Variants in PDCD6IP observed in about 807,000 individuals in gnomAD.
PDCD6IP encodes programmed cell death 6-interacting protein.
PDCD6IP carries 43 observed loss-of-function variants against 103.7 expected under a neutral mutation model. The ratio of observed to expected loss-of-function variants is 0.41; its 90% confidence interval spans 0.32 to 0.53. The LOEUF is 0.53. PDCD6IP is among the 20% of genes least tolerant of loss of function. The pLI is 0.16. For synonymous variants in PDCD6IP, 354 were observed against 378.7 expected, an observed-to-expected ratio of 0.93 and a Z score of 0.76; for missense variants, 871 against 1,036.7, an observed-to-expected ratio of 0.84 and a Z score of 2.20.
chr3:33,819,953 C>G (rs1459146645), intron 3 of PDCD6IP, among the ~76,000 whole-genome samples: 1 of 151,998 alleles, frequency 6.6e-6, no homozygotes, highest in East Asian at 1.9e-4. Flanking sequence ...CTCGAGAACT[C>G]TTTTTCATCT....
chr3:33,814,005 T>C (rs113831446), intron 3 of PDCD6IP, among the ~76,000 whole-genome samples: 6,108 of 152,252 alleles, frequency 0.04, 187 homozygotes, highest in Middle Eastern at 0.071. Context: ...TTGTAGAAAA[T>C]AATATTACAG....
At position 33,845,584 on chromosome 3, in the gene PDCD6IP, G is replaced by A. The variant is rs770881406; in HGVS notation, c.1637G>A (p.Ser546Asn). 1 of 1,600,042 alleles carries A rather than the reference G, an allele frequency of 6.2e-7. No homozygotes were observed. Reference sequence around the variant, plus strand: ...AATCCAGCAAAGACCATGCAGGGCAGTGAGGTAAGAAGGACACTTTGATGT... The same window carrying A: ...AATCCAGCAAAGACCATGCAGGGCAATGAGGTAAGAAGGACACTTTGATGT... ...SANPAKTMQG[S>N]EVVNVLKSLL... The change falls in exon 12 of 18, where the codon AGT becomes AAT. Residue 546 changes from serine to asparagine, a missense_variant. Ser to Asn is a conservative substitution (Grantham distance 46). This residue lies in a region of PDCD6IP where 266 missense variants were observed against 390.5 expected (regional missense o/e 0.68). Transcript: ENST00000307296.
At chr3:33,817,752 CAAAAGAAAAAAAAAAGAT>C (rs1474155366) in intron 3 of PDCD6IP, among the ~76,000 whole-genome samples, 1 of 141,572 alleles carries the variant, frequency 7.1e-6, no homozygotes, top group East Asian at 2.0e-4. Context: ...CACCTTGTCT[CAAAAGAAAAAAAAAAGAT>C]AAAAGAAAAA....
chr3:33,858,739 G>A (rs1342076196), intron 15 of PDCD6IP, among the ~76,000 whole-genome samples: 1 of 152,094 alleles, frequency 6.6e-6, no homozygotes, highest in Non-Finnish European at 1.5e-5. Flanking sequence ...GAACCCGGGA[G>A]GCGGAGCTTG....
Position 33,849,567 on chromosome 3 carries a change from T to C in PDCD6IP, c.1642-2921T>C, listed in dbSNP as rs144465945. ...AATGATCATCACTGGCAGCCTAACT[T>C]AATAAAGGGATACATTTAATTGCAG... On this transcript the variant is annotated intron_variant, in intron 12 of 17. Transcript: ENST00000307296. 7.7e-3 allele frequency among the ~76,000 whole-genome samples: 1,180 copies of C among 152,364 alleles called. 5 individuals are homozygous for C. Among genetic ancestry groups the C allele is most frequent in the South Asian group, 0.017 (81 of 4,826 alleles).
chr3:33,852,397 C>T (rs1159166082), intron 12 of PDCD6IP, 91 bp from the exon 13 acceptor site: 1 of 1,438,660 alleles, frequency 7.0e-7, no homozygotes, highest in East Asian at 2.5e-5. Context: ...CTCTCTCAGC[C>T]CGAATGAACC....
intron 7 of PDCD6IP, among the ~76,000 whole-genome samples, chr3:33,830,667 G>A (rs2125559548): frequency 6.6e-6 from 1 of 152,256 alleles, no homozygotes; most frequent in South Asian, 2.1e-4. Context: ...TTTGAAGCTA[G>A]TAGTTTGAGG....
chr3:33,851,776 A>C (rs1338429457), intron 12 of PDCD6IP, among the ~76,000 whole-genome samples: 1 of 152,104 alleles, frequency 6.6e-6, no homozygotes, highest in African/African-American at 2.4e-5. Context: ...TCTTAATGGT[A>C]TGAAGAGAGG....
chr3:33,827,035 G>A (rs1209124465), intron 6 of PDCD6IP: 1 of 985,110 alleles, frequency 1.0e-6, no homozygotes, highest in East Asian at 1.1e-4. Context: ...AAATTCATCT[G>A]ATACTTTGAT....
At chr3:33,834,907 T>A (rs1202044035) in intron 7 of PDCD6IP, among the ~76,000 whole-genome samples, 2 of 151,956 alleles carry the variant, frequency 1.3e-5, no homozygotes, top group African/African-American at 2.4e-5. Context: ...AATCTTACAC[T>A]TTTTTTTAAT....
At chr3:33,862,846 G>A (rs1161084002) in intron 15 of PDCD6IP, among the ~76,000 whole-genome samples, 2 of 151,976 alleles carry the variant, frequency 1.3e-5, no homozygotes, top group African/African-American at 4.8e-5. Context: ...TTAAATCCAG[G>A]GACTACCTTT....
chr3:33,810,960 C>G (rs1696703960), intron 1 of PDCD6IP: 1 of 222,860 alleles, frequency 4.5e-6, no homozygotes, highest in South Asian at 4.1e-5. Context: ...CTGTCTTGGC[C>G]CACTGCAGCC....
At chr3:33,826,663 C>G in intron 6 of PDCD6IP, 83 bp downstream of exon 6, 1 of 1,542,928 alleles carries the variant, frequency 6.5e-7, no homozygotes, top group Non-Finnish European at 8.8e-7. Flanking sequence ...CAAGTTGAAA[C>G]TTATAAAGAA....
At chr3:33,853,409 A>AT (rs1204035694) in intron 13 of PDCD6IP, among the ~76,000 whole-genome samples, 1 of 152,202 alleles carries the variant, frequency 6.6e-6, no homozygotes, top group African/African-American at 2.4e-5. Flanking sequence ...GACTTCAGTC[A>AT]TTTTTTAAAA....
In PDCD6IP at chr3:33,844,098, G is replaced by A; in HGVS notation, c.1360-14G>A. ...GAAATGACATTTCAGGGTTCTTTTT[G>A]CTTCCTTTTAAAGTCATTAAGGTTG... On this transcript the variant is annotated splice_polypyrimidine_tract_variant and intron_variant, in intron 10 of 17. Coordinates refer to ENST00000307296, the MANE Select transcript of PDCD6IP (RefSeq NM_013374.6). 1.3e-6 allele frequency: 2 copies of A among 1,512,692 alleles called. No individual in the cohort carries two copies. Among genetic ancestry groups the A allele is most frequent in the Non-Finnish European group, 9.0e-7 (1 of 1,106,236 alleles). The allele number at this position is 1,512,692 out of a possible 1,614,324, so 93.7% of individuals were successfully genotyped here.
chr3:33,857,588 A>G (rs1411034657), intron 15 of PDCD6IP, among the ~76,000 whole-genome samples: 1 of 152,238 alleles, frequency 6.6e-6, no homozygotes, highest in African/African-American at 2.4e-5. Context: ...TTTGCCAGTA[A>G]TAGTCACCAG....
intron 6 of PDCD6IP, chr3:33,827,045 T>C: frequency 1.0e-6 from 1 of 985,308 alleles, no homozygotes; most frequent in Non-Finnish European, 1.2e-6. Flanking sequence ...GATACTTTGA[T>C]TAGAATTCAG....
intron 12 of PDCD6IP, among the ~76,000 whole-genome samples, chr3:33,852,029 G>A (rs1253273231): frequency 1.3e-5 from 2 of 152,160 alleles, no homozygotes; most frequent in Non-Finnish European, 2.9e-5. Flanking sequence ...GGAGGGAGTA[G>A]AATGTAGAGT....
chr3:33,864,271 T>C, intron 16 of PDCD6IP, 142 bp downstream of exon 16: 1 of 599,448 alleles, frequency 1.7e-6, no homozygotes, highest in Non-Finnish European at 3.0e-6. Context: ...TATTTTGCAA[T>C]ATGTAGAACA....
Sources: gnomAD v4.1 joint callset for allele counts (sites outside exome capture counted in the v4.1 genomes callset) on GRCh38, gnomAD v4.1.1 for gene constraint, gnomAD v4.1.1 regional missense constraint, MANE v1.5 for transcripts, NCBI Gene and HGNC (gene_info 2026-07-23, HGNC 2026-07-21) for gene names.